ADAMTS20: variants seen among roughly 807,000 people sequenced by gnomAD.
ADAMTS20 encodes A disintegrin and metalloproteinase with thrombospondin motifs 20.
In ADAMTS20, 225 loss-of-function variants were observed where a neutral mutation model predicts 260.1. That is an observed-to-expected ratio of 0.87 (90% confidence interval 0.78 to 0.97). The LOEUF (loss-of-function observed/expected upper bound fraction) is 0.97, where lower values mean the gene tolerates loss of function less well. Ranked by LOEUF, ADAMTS20 falls within the 50% of genes least tolerant of loss-of-function variation. ADAMTS20 has a pLI of 0.00. For synonymous variants in ADAMTS20, 802 were observed against 769.5 expected, an observed-to-expected ratio of 1.04 and a Z score of -0.70; for missense variants, 2,400 against 2,337.7, an observed-to-expected ratio of 1.03 and a Z score of -0.55.
Position 43,512,172 on chromosome 12 carries a change from A to G in ADAMTS20, c.614-9767T>C, listed in dbSNP as rs558436883. On this transcript the variant is annotated intron_variant, in intron 3 of 38. Coordinates refer to ENST00000389420, the MANE Select transcript of ADAMTS20 (RefSeq NM_025003.5). ...TAAGTACTATTATTATCGTCATTTT[A>G]TATATGAGGATAATTTTTATATGAT... is the stretch of plus-strand genomic sequence containing the variant. Among the ~76,000 whole-genome samples the G allele has an allele frequency of 4.6e-4, 70 of 150,838 alleles. 2 individuals carry two copies. Among genetic ancestry groups the G allele is most frequent in the African/African-American group, 1.6e-3 (65 of 41,326 alleles).
In ADAMTS20 at chr12:43,380,154, T is replaced by G. The variant is rs569202974; in HGVS notation, c.4798-2592A>C. Among the ~76,000 whole-genome samples the G allele has an allele frequency of 2.0e-5, 3 of 152,328 alleles. No individual in the cohort carries two copies. The East Asian group carries it at 5.8e-4, about 29-fold the overall frequency. ...ATTGTAACATATGAAAGTCAATCTA[T>G]GTAATACACCATACTAATAGAAGAA... is the stretch of plus-strand genomic sequence containing the variant. On this transcript the variant is annotated intron_variant, in intron 31 of 38. Coordinates refer to ENST00000389420, the MANE Select transcript of ADAMTS20 (RefSeq NM_025003.5).
chr12:43,448,392 A>T (rs1941801269), intron 14 of ADAMTS20, among the ~76,000 whole-genome samples: 1 of 152,234 alleles, frequency 6.6e-6, no homozygotes, highest in South Asian at 2.1e-4. Context: ...CAATGGAAAA[A>T]GGACTCCCTA....
chr12:43,422,385 T>C (rs773635481), intron 28 of ADAMTS20, among the ~76,000 whole-genome samples: 2 of 152,000 alleles, frequency 1.3e-5, no homozygotes, highest in Non-Finnish European at 2.9e-5. Context: ...AATATTAATC[T>C]AATATGCTAA....
chr12:43,431,283 T>C, intron 22 of ADAMTS20, 49 bp downstream of exon 22: 2 of 1,570,896 alleles, frequency 1.3e-6, no homozygotes, highest in Non-Finnish European at 8.6e-7. Context: ...ACTTTTGTGC[T>C]ATTCTGTAAA....
At chr12:43,531,870 A>T (rs569330064) in intron 3 of ADAMTS20, among the ~76,000 whole-genome samples, 166 bp downstream of exon 3, 1 of 152,336 alleles carries the variant, frequency 6.6e-6, no homozygotes, top group South Asian at 2.1e-4. Flanking sequence ...CATACTTCAA[A>T]GCAACATGTC....
intron 11 of ADAMTS20, among the ~76,000 whole-genome samples, chr12:43,456,146 C>T (rs1053499202): frequency 6.6e-6 from 1 of 152,080 alleles, no homozygotes; most frequent in African/African-American, 2.4e-5. Flanking sequence ...TTTTGCATTT[C>T]ATTTTCCTAG....
intron 33 of ADAMTS20, 53 bp downstream of exon 33, chr12:43,376,471 C>A: frequency 6.4e-7 from 1 of 1,555,376 alleles, no homozygotes. Flanking sequence ...TTTATTTTAA[C>A]TGAAACTTAT....
chr12:43,540,649 ACAG>A lies in ADAMTS20; in HGVS notation c.454-8457_454-8455del, dbSNP rs1565587579. ...AGGAATTAGCAGACTTAAAAAAAAA[ACAG>A]GTGGTTCATAGAATTGTACTTAGAT... On this transcript the variant is annotated intron_variant, in intron 2 of 38. Transcript: ENST00000389420. 3.6e-4 allele frequency among the ~76,000 whole-genome samples: 55 copies of A among 150,772 alleles called. 1 individual carries two copies. In the East Asian group the frequency reaches 0.011, roughly 29 times the overall value.
chr12:43,480,237 C>T (rs916412524), intron 7 of ADAMTS20, among the ~76,000 whole-genome samples: 1 of 152,008 alleles, frequency 6.6e-6, no homozygotes, highest in Non-Finnish European at 1.5e-5. Context: ...TAGAAAACTA[C>T]ACTAAAAGAG....
intron 3 of ADAMTS20, among the ~76,000 whole-genome samples, chr12:43,508,991 T>C (rs1255026793): frequency 1.3e-5 from 2 of 152,116 alleles, no homozygotes; most frequent in Non-Finnish European, 2.9e-5. Flanking sequence ...CTTATAAATA[T>C]TGAGAACATA....
intron 3 of ADAMTS20, among the ~76,000 whole-genome samples, chr12:43,531,260 T>C (rs1353226096): frequency 1.3e-5 from 2 of 152,180 alleles, no homozygotes; most frequent in East Asian, 3.9e-4. Flanking sequence ...TATATAAAGT[T>C]AAAACCATGC....
intron 7 of ADAMTS20, among the ~76,000 whole-genome samples, chr12:43,480,461 A>G (rs916506893): frequency 1.3e-5 from 2 of 152,162 alleles, no homozygotes; most frequent in African/African-American, 2.4e-5. Flanking sequence ...TGGGATTGCT[A>G]TATCATATGG....
chr12:43,496,928 C>T (rs1942686080), intron 4 of ADAMTS20, among the ~76,000 whole-genome samples: 2 of 152,066 alleles, frequency 1.3e-5, no homozygotes, highest in Admixed American at 1.3e-4. Flanking sequence ...AGTCCTTAGC[C>T]CCCCGACCAT....
chr12:43,502,257 A>T lies in ADAMTS20; in HGVS notation c.762T>A (p.Leu254=). The change falls in exon 4 of 39, where the codon CTT becomes CTA. Residue 254 remains leucine, a synonymous_variant. Transcript: ENST00000389420. ...TTTCAATGTATCTTGGATATGATAT[A>T]AGACGTTTTTTCCTGGAATGTCTTC... The part of the protein sequence containing the change: ...DERRHSRKKR[L]ISYPRYIEIM... The T allele has an allele frequency of 6.2e-7, 1 of 1,612,280 alleles. No individual in the cohort carries two copies. Among genetic ancestry groups the T allele is most frequent in the Non-Finnish European group, 8.5e-7 (1 of 1,179,332 alleles).
chr12:43,540,336 A>G (rs889712278), intron 2 of ADAMTS20, among the ~76,000 whole-genome samples: 1 of 152,134 alleles, frequency 6.6e-6, no homozygotes, highest in Non-Finnish European at 1.5e-5. Flanking sequence ...GTGCTAGAAC[A>G]CTCCAGCCTT....
intron 28 of ADAMTS20, chr12:43,423,361 G>A (rs1248991360): frequency 1.1e-5 from 2 of 189,004 alleles, no homozygotes; most frequent in Admixed American, 1.1e-4. Flanking sequence ...CTAAAACAGA[G>A]AATCTGACTC....
intron 11 of ADAMTS20, among the ~76,000 whole-genome samples, chr12:43,456,850 T>C (rs1036554004): frequency 6.7e-6 from 1 of 150,274 alleles, no homozygotes; most frequent in Non-Finnish European, 1.5e-5. Context: ...TAGGAACAGG[T>C]AACTAAAGAT....
intron 28 of ADAMTS20, among the ~76,000 whole-genome samples, chr12:43,416,998 T>A (rs1941145287): frequency 6.6e-6 from 1 of 152,206 alleles, no homozygotes; most frequent in Admixed American, 6.5e-5. Context: ...TCCTATGACA[T>A]CCTTTTCTGG....
chr12:43,463,513 C>T (rs940334657), intron 10 of ADAMTS20, among the ~76,000 whole-genome samples: 5 of 152,146 alleles, frequency 3.3e-5, no homozygotes, highest in Admixed American at 2.6e-4. Context: ...GAGAGTCATA[C>T]GAGCTATACC....
Sources: gnomAD v4.1 joint callset for allele counts (sites outside exome capture counted in the v4.1 genomes callset) on GRCh38, gnomAD v4.1.1 for gene constraint, MANE v1.5 for transcripts, NCBI Gene and HGNC (gene_info 2026-07-23, HGNC 2026-07-21) for gene names.